FBXO3: variants seen among roughly 807,000 people sequenced by gnomAD.
The protein encoded by FBXO3 is F-box only protein 3.
A neutral mutation model predicts 64.8 loss-of-function variants in FBXO3; 17 were observed. That is an observed-to-expected ratio of 0.26 (90% CI 0.18 to 0.39). The LOEUF is 0.39. FBXO3 is among the 10% of genes least tolerant of loss of function. The pLI is 1.00. For synonymous variants in FBXO3, 182 were observed against 201.6 expected, an observed-to-expected ratio of 0.90 and a Z score of 0.82; for missense variants, 420 against 589.9, an observed-to-expected ratio of 0.71 and a Z score of 2.98.
rs1425853170 is a variant in FBXO3 at position 33,741,529 on chromosome 11, T to C, written c.*379A>G. Reference sequence around the variant, plus strand: ...AACTGCAAGAAGTCTTTTCACAGAATGAGTCACATAGTTTCTCTCTATCCT... The same window carrying C: ...AACTGCAAGAAGTCTTTTCACAGAACGAGTCACATAGTTTCTCTCTATCCT... On this transcript the variant is annotated 3_prime_UTR_variant, in exon 11 of 11. Transcript: ENST00000265651. 6.4e-6 allele frequency: 1 copy of C among 155,744 alleles called. No homozygotes were observed. The highest frequency in any genetic ancestry group is 1.4e-5 in the Non-Finnish European group (1 of 70,296). The allele number at this position is 155,744 out of a possible 1,614,324, so 9.6% of individuals were successfully genotyped here.
chr11:33,744,262 CTG>C (rs1399251269), intron 10 of FBXO3: 2 of 151,910 alleles, frequency 1.3e-5, no homozygotes, highest in Non-Finnish European at 1.5e-5. Flanking sequence ...AACAGAAAAA[CTG>C]TTAAAGAACT....
intron 1 of FBXO3, chr11:33,771,650 G>T (rs1027072754): frequency 6.6e-6 from 1 of 152,154 alleles, no homozygotes. Flanking sequence ...ATCACATCAG[G>T]TTTGTCAAGG....
chr11:33,742,180 G>C, intron 10 of FBXO3, 96 bp from the exon 11 acceptor site: 1 of 1,170,404 alleles, frequency 8.5e-7, no homozygotes, highest in Non-Finnish European at 1.2e-6. Flanking sequence ...CAAACAACCA[G>C]ACACGCCAAA....
chr11:33,747,476 A>G (rs756567954), intron 9 of FBXO3, among the ~76,000 whole-genome samples, 156 bp from the exon 10 acceptor site: 33 of 152,258 alleles, frequency 2.2e-4, no homozygotes, highest in Non-Finnish European at 3.4e-4. Flanking sequence ...AAATGTTAAC[A>G]GTGATAGGAC....
At position 33,742,021 on chromosome 11, in the gene FBXO3, C is replaced by T; in HGVS notation, c.1303G>A (p.Glu435Lys). The change falls in exon 11 of 11, where the codon GAG becomes AAG. Residue 435 changes from glutamate to lysine, a missense_variant. Physicochemically the swap from Glu to Lys is moderately conservative, Grantham distance 56. Around this residue, in one of 3 missense-constraint regions of FBXO3, gnomAD observed 57 missense variants for 55.4 expected, o/e 1.03. Transcript: ENST00000265651. ...EEEEEEEEED[E>K]DDDSADMDES... ...TCCATATCTGCTGAATCATCATCCT[C>T]GTCTTCCTCCTCTTCCTCCTCCTCC... is the stretch of plus-strand genomic sequence containing the variant. 2.5e-6 allele frequency: 4 copies of T among 1,609,046 alleles called. No homozygotes were observed. The highest frequency in any genetic ancestry group is 3.4e-6 in the Non-Finnish European group (4 of 1,175,852).
At chr11:33,752,966 C>T (rs1012829825) in intron 6 of FBXO3, 3 of 152,172 alleles carry the variant, frequency 2.0e-5, no homozygotes, top group African/African-American at 7.2e-5. Flanking sequence ...GCAGCATTCA[C>T]TACTAAACTT....
chr11:33,750,629 G>C lies in FBXO3; in HGVS notation c.842C>G (p.Thr281Ser), dbSNP rs770374723. The C allele has an allele frequency of 2.5e-6, 4 of 1,613,480 alleles. No homozygotes were observed. Among genetic ancestry groups the C allele is most frequent in the Admixed American group, 1.7e-5 (1 of 59,982 alleles). ...YVHDPECVATTGDITVSVSTS... is the reference protein window; with the variant it reads ...YVHDPECVATSGDITVSVSTS... Reference sequence around the variant, plus strand: ...GGAAACTGACACAGTAATATCCCCAGTTGTTGCTACACATTCTGGATCGTG... The same window carrying C: ...GGAAACTGACACAGTAATATCCCCACTTGTTGCTACACATTCTGGATCGTG... The change falls in exon 8 of 11, where the codon ACT (threonine) becomes AGT (serine). Residue 281 changes from threonine (T) to serine (S), a missense_variant. Coordinates refer to ENST00000265651, the MANE Select transcript of FBXO3 (RefSeq NM_012175.4).
intron 3 of FBXO3, among the ~76,000 whole-genome samples, chr11:33,765,505 G>A (rs1855346813): frequency 6.6e-6 from 1 of 152,286 alleles, no homozygotes; most frequent in Non-Finnish European, 1.5e-5. Context: ...AAAAGGAAAT[G>A]TATGTTTACA....
In FBXO3 at chr11:33,751,572, T is replaced by C; in HGVS notation, c.760A>G (p.Lys254Glu). The C allele has an allele frequency of 6.2e-7, 1 of 1,608,656 alleles. No individual in the cohort carries two copies. Among genetic ancestry groups the C allele is most frequent in the Non-Finnish European group, 8.5e-7 (1 of 1,177,988 alleles). Residue 254 changes from lysine (K) to glutamate (E), a missense_variant, in exon 7 of 11, where the codon AAA becomes GAA. Physicochemically the swap from Lys to Glu is moderately conservative, Grantham distance 56. Transcript: ENST00000265651. ...TFTDWFTSYVKNVVSGGFPII... is the reference protein window; with the variant it reads ...TFTDWFTSYVENVVSGGFPII... ...GGGAAGCCACCTGATACAACATTTT[T>C]GACATAAGAGGTAAACCAGTCAGTA... is the stretch of plus-strand genomic sequence containing the variant.
chr11:33,758,163 A>C (rs1321067798), intron 4 of FBXO3, among the ~76,000 whole-genome samples: 1 of 152,154 alleles, frequency 6.6e-6, no homozygotes, highest in Non-Finnish European at 1.5e-5. Context: ...GCCTGTAATA[A>C]GATACACATT....
rs551164057 is a variant in FBXO3, at chr11:33,760,163, G to A, written c.359-1562C>T. On this transcript the variant is annotated intron_variant, in intron 3 of 10. Transcript: ENST00000265651. ...TCCAAAATTGATGAAAATGTCAAAC[G>A]ATGATTCAGAAGCACCATAAACCCT... Among the ~76,000 whole-genome samples, 14 of 152,258 alleles carry A rather than the reference G, an allele frequency of 9.2e-5. No homozygotes were observed. In the South Asian group the frequency reaches 2.3e-3, roughly 25 times the overall value.
At position 33,741,884 on chromosome 11, in the gene FBXO3, G is replaced by T. The variant is rs1205616363; in HGVS notation, c.*24C>A. ...TATTTAACAGCCTAGAATCATCCTA[G>T]TGCTTCCATCAGCAGAAGGCTTGCT... is the stretch of plus-strand genomic sequence containing the variant. On this transcript the variant is annotated 3_prime_UTR_variant, in exon 11 of 11. Coordinates refer to ENST00000265651, the MANE Select transcript of FBXO3 (RefSeq NM_012175.4). 5.0e-6 allele frequency: 8 copies of T among 1,602,268 alleles called. No individual in the cohort carries two copies. The highest frequency in any genetic ancestry group is 6.8e-6 in the Non-Finnish European group (8 of 1,174,620).
chr11:33,751,567 A>C lies in FBXO3; in HGVS notation c.765T>G (p.Asn255Lys), dbSNP rs748590434. ...FTDWFTSYVK[N>K]VVSGGFPIIR... ...TGATGGGGAAGCCACCTGATACAAC[A>C]TTTTTGACATAAGAGGTAAACCAGT... is the stretch of plus-strand genomic sequence containing the variant. Residue 255 changes from asparagine to lysine, a missense_variant, in exon 7 of 11, where the codon AAT (asparagine) becomes AAG (lysine). Physicochemically the swap from Asn to Lys is moderately conservative, Grantham distance 94 (BLOSUM62 0). Transcript: ENST00000265651. 1 of 1,609,014 alleles carries C rather than the reference A, an allele frequency of 6.2e-7. No individual in the cohort carries two copies. Among genetic ancestry groups the C allele is most frequent in the South Asian group, 1.1e-5 (1 of 90,086 alleles).
chr11:33,769,472 T>G (rs1039939571), intron 2 of FBXO3, among the ~76,000 whole-genome samples: 1 of 152,152 alleles, frequency 6.6e-6, no homozygotes, highest in African/African-American at 2.4e-5. Context: ...AACATTCCTA[T>G]TTGGTAAAAT....
chr11:33,753,593 T>C (rs1029984521), intron 6 of FBXO3: 1 of 152,248 alleles, frequency 6.6e-6, no homozygotes, highest in African/African-American at 2.4e-5. Context: ...ACCTAGGACC[T>C]ACATTTAAAA....
intron 7 of FBXO3, among the ~76,000 whole-genome samples, chr11:33,751,272 A>G (rs976754615): frequency 3.3e-5 from 5 of 152,196 alleles, no homozygotes; most frequent in African/African-American, 1.2e-4. Context: ...CTATTAACCC[A>G]TAGTTTCTAA....
chr11:33,770,324 C>T (rs528969682), intron 2 of FBXO3, among the ~76,000 whole-genome samples: 1 of 152,362 alleles, frequency 6.6e-6, no homozygotes, highest in East Asian at 1.9e-4. Context: ...CTCATTTCTT[C>T]CACCTTTCTC....
intron 5 of FBXO3, among the ~76,000 whole-genome samples, chr11:33,755,484 C>T (rs533449428): frequency 6.6e-6 from 1 of 152,050 alleles, no homozygotes; most frequent in Non-Finnish European, 1.5e-5. Context: ...ACACATATTA[C>T]AATTAATTAC....
intron 3 of FBXO3, among the ~76,000 whole-genome samples, chr11:33,764,593 C>T (rs79587084): frequency 1.0e-3 from 159 of 152,206 alleles, no homozygotes; most frequent in African/African-American, 3.7e-3. Flanking sequence ...TCTAATCATC[C>T]GTAAAATATC....
Sources: allele counts gnomAD v4.1 joint callset (sites outside exome capture counted in the v4.1 genomes callset), GRCh38; gene constraint gnomAD v4.1.1; regional missense constraint gnomAD v4.1.1; transcripts MANE v1.5; gene names NCBI Gene and HGNC (gene_info 2026-07-23, HGNC 2026-07-21).